ZNF652: variants seen among roughly 807,000 people sequenced by gnomAD.
ZNF652 encodes zinc finger protein 652.
In ZNF652, 16 loss-of-function variants were observed where a neutral mutation model predicts 45.2. That is an observed-to-expected ratio of 0.35 (90% CI 0.24 to 0.54). The LOEUF (loss-of-function observed/expected upper bound fraction) is 0.54, where lower values mean the gene tolerates loss of function less well. ZNF652 is among the 20% of genes least tolerant of loss of function. The pLI is 0.91. For synonymous variants in ZNF652, 250 were observed against 260.6 expected (o/e 0.96, Z 0.39); for missense variants, 614 against 765.6 (o/e 0.80, Z 2.34).
chr17:49,327,788 T>A (rs1446575869), intron 1 of ZNF652, among the ~76,000 whole-genome samples: 17 of 37,704 alleles, frequency 4.5e-4, no homozygotes, highest in African/African-American at 1.5e-3. Flanking sequence ...TATTTTTTTT[T>A]TTTTTTTTTA....
chr17:49,339,026 A>G (rs1457110554), intron 1 of ZNF652, among the ~76,000 whole-genome samples: 1 of 152,080 alleles, frequency 6.6e-6, no homozygotes, highest in African/African-American at 2.4e-5. Flanking sequence ...AGACTTCATT[A>G]GCATAATGGT....
chr17:49,310,993 T>C (rs997152160), intron 5 of ZNF652, among the ~76,000 whole-genome samples: 2 of 152,160 alleles, frequency 1.3e-5, no homozygotes, highest in African/African-American at 4.8e-5. Flanking sequence ...AACCCTTTCC[T>C]TAGGAAAATA....
At position 49,317,906 on chromosome 17, in the gene ZNF652, G is replaced by A. The variant is rs2069833323; in HGVS notation, c.-181C>T. The A allele has an allele frequency of 1.5e-6, 1 of 675,138 alleles. No homozygotes were observed. The highest frequency in any genetic ancestry group is 1.8e-5 in the African/African-American group (1 of 55,054). The allele number at this position is 675,138 out of a possible 1,614,324, so 41.8% of individuals were successfully genotyped here. A position where few individuals can be genotyped will look rare whatever the true frequency, so the allele number is the denominator to read the frequency against. On this transcript the variant is annotated 5_prime_UTR_variant, in exon 2 of 6. Transcript: ENST00000430262. ...CAGCACCAAAGCATGAGTCAAAAAG[G>A]TTTGGTATTATGGCAAGAGCAGAGC...
intron 1 of ZNF652, among the ~76,000 whole-genome samples, chr17:49,351,446 A>G (rs1392245812): frequency 6.6e-6 from 1 of 152,190 alleles, no homozygotes. Context: ...ACATACAGAC[A>G]CAGGCATACT....
chr17:49,307,435 GAAAAAAAAA>G (rs1175854049), intron 5 of ZNF652, among the ~76,000 whole-genome samples: 3 of 40,482 alleles, frequency 7.4e-5, no homozygotes, highest in Non-Finnish European at 1.3e-4. Flanking sequence ...TGTCTCAAAA[GAAAAAAAAA>G]AAAAAAAAAA....
rs1040246588 is a variant in ZNF652, at chr17:49,340,549, CAAAAAAAAAA to C, written c.-259+21350_-259+21359del. 8.0e-5 allele frequency among the ~76,000 whole-genome samples: 4 copies of C among 50,128 alleles called. No homozygotes were observed. The South Asian group carries it at 2.3e-3, about 28-fold the overall frequency. 32.9% of individuals were successfully genotyped at this position (50,128 alleles called of 152,430 possible). A position where few individuals can be genotyped will look rare whatever the true frequency, so the allele number is the denominator to read the frequency against. ...TGGGCAACAAAGCGAGACTCTGTCT[CAAAAAAAAAA>C]AAAAAAAAAAAAGAAAGAAAGAAAA... On this transcript the variant is annotated intron_variant, in intron 1 of 5. Transcript: ENST00000430262.
At chr17:49,334,452 C>T (rs111834333) in intron 1 of ZNF652, among the ~76,000 whole-genome samples, 12,329 of 152,020 alleles carry the variant, frequency 0.081, 609 homozygotes, top group Middle Eastern at 0.15. Flanking sequence ...CCACTACACT[C>T]CAGTCTGGGC....
intron 1 of ZNF652, among the ~76,000 whole-genome samples, chr17:49,355,054 C>T (rs1239886040): frequency 2.0e-5 from 3 of 152,092 alleles, no homozygotes; most frequent in Non-Finnish European, 4.4e-5. Context: ...AGCATGGCTA[C>T]ATACAATTAC....
At chr17:49,310,389 G>T (rs2143760748) in intron 5 of ZNF652, among the ~76,000 whole-genome samples, 1 of 152,292 alleles carries the variant, frequency 6.6e-6, no homozygotes, top group East Asian at 1.9e-4. Flanking sequence ...AGAATATCAA[G>T]TTTAGACTGA....
intron 1 of ZNF652, among the ~76,000 whole-genome samples, chr17:49,326,033 C>T (rs2069952332): frequency 6.6e-6 from 1 of 151,834 alleles, no homozygotes; most frequent in South Asian, 2.1e-4. Flanking sequence ...TTCGGAAAAG[C>T]ATATATGGCA....
At chr17:49,303,597 G>C (rs975680606) in intron 5 of ZNF652, among the ~76,000 whole-genome samples, 2 of 152,004 alleles carry the variant, frequency 1.3e-5, no homozygotes, top group Non-Finnish European at 2.9e-5. Flanking sequence ...TACTTTAAAA[G>C]CACATGTTTG....
Position 49,293,655 on chromosome 17 carries a change from T to TAAA in ZNF652, c.*4755_*4757dup, listed in dbSNP as rs10609861. On this transcript the variant is annotated 3_prime_UTR_variant, in exon 6 of 6. Transcript: ENST00000430262. ...CTAATGGCTTATGACCTTTCATTCC[T>TAAA]AAAAAAAAAAAAAAAAAAAAAAAAA... 1.8e-3 allele frequency among the ~76,000 whole-genome samples: 140 copies of TAAA among 78,304 alleles called. 8 individuals are homozygous for TAAA. Among genetic ancestry groups the TAAA allele is most frequent in the African/African-American group, 5.5e-3 (131 of 23,966 alleles). The allele number at this position is 78,304 out of a possible 152,430, so 51.4% of individuals were successfully genotyped here. A position where few individuals can be genotyped will look rare whatever the true frequency, so the allele number is the denominator to read the frequency against.
intron 5 of ZNF652, among the ~76,000 whole-genome samples, chr17:49,310,924 C>T (rs1308706233): frequency 1.3e-5 from 2 of 151,960 alleles, no homozygotes; most frequent in South Asian, 2.1e-4. Context: ...AAACAAAAAA[C>T]AGAGAGAGAG....
chr17:49,345,840 C>CAAAA (rs11381958), intron 1 of ZNF652, among the ~76,000 whole-genome samples: 1 of 115,730 alleles, frequency 8.6e-6, no homozygotes, highest in Non-Finnish European at 1.8e-5. Context: ...GACTCCATCT[C>CAAAA]AAAAAAAAAA....
chr17:49,327,948 G>A (rs1286829918), intron 1 of ZNF652, among the ~76,000 whole-genome samples: 1 of 151,472 alleles, frequency 6.6e-6, no homozygotes, highest in Admixed American at 6.6e-5. Flanking sequence ...CAGTATAGCA[G>A]TTAAGAGCAC....
In ZNF652 at chr17:49,298,911, A is replaced by G. The variant is rs777554074; in HGVS notation, c.1323T>C (p.Phe441=). 2 of 1,610,860 alleles carry G rather than the reference A, an allele frequency of 1.2e-6. No homozygotes were observed. Among genetic ancestry groups the G allele is most frequent in the African/African-American group, 1.3e-5 (1 of 74,942 alleles). ...AGCTTTTGCCACAGATTTCACAGAT[A>G]AAGGGTTTCTCTCCTGAGATGAACA... The part of the protein sequence containing the change: ...HMKTHTGEKP[F]ICEICGKSFT... The change falls in exon 6 of 6, where the codon TTT becomes TTC. Residue 441 remains phenylalanine, a synonymous_variant. Coordinates refer to ENST00000430262, the MANE Select transcript of ZNF652 (RefSeq NM_001145365.3).
intron 5 of ZNF652, among the ~76,000 whole-genome samples, chr17:49,299,751 G>A (rs1257957282): frequency 6.6e-6 from 1 of 151,664 alleles, no homozygotes; most frequent in Non-Finnish European, 1.5e-5. Context: ...ATCACAGCTC[G>A]CTGCAGTTTC....
At chr17:49,319,168 CTT>C (rs773145695) in intron 1 of ZNF652, among the ~76,000 whole-genome samples, 12 of 152,154 alleles carry the variant, frequency 7.9e-5, no homozygotes, top group South Asian at 2.1e-4. Flanking sequence ...CACCTATCCT[CTT>C]GAGTCATATG....
intron 5 of ZNF652, among the ~76,000 whole-genome samples, chr17:49,302,580 G>A (rs1001909870): frequency 4.6e-5 from 7 of 151,852 alleles, no homozygotes; most frequent in Non-Finnish European, 8.8e-5. Flanking sequence ...GAGCCACTGC[G>A]CCTGGCCCAG....
Sources: gnomAD v4.1 joint callset for allele counts (sites outside exome capture counted in the v4.1 genomes callset) on GRCh38, gnomAD v4.1.1 for gene constraint, MANE v1.5 for transcripts, NCBI Gene and HGNC (gene_info 2026-07-23, HGNC 2026-07-21) for gene names.